Variants in CCDC134 observed in about 807,000 individuals in gnomAD.
CCDC134 encodes coiled-coil domain-containing protein 134.
In CCDC134, 27 loss-of-function variants were observed where a neutral mutation model predicts 25.6. The observed-to-expected ratio is 1.05, with a 90% confidence interval of 0.78 to 1.45. The LOEUF (loss-of-function observed/expected upper bound fraction) is 1.45, where lower values mean the gene tolerates loss of function less well. CCDC134 is among the 40% of genes most tolerant of loss of function. The probability of loss-of-function intolerance (pLI) is 0.00; values close to 1 mark genes in which losing one functional copy is unlikely to be tolerated. For missense variants in CCDC134, 261 were observed against 286.7 expected, an observed-to-expected ratio of 0.91 and a Z score of 0.65; for synonymous variants, 110 against 115.0, an observed-to-expected ratio of 0.96 and a Z score of 0.28.
chr22:41,823,020 A>T (rs550681867), intron 6 of CCDC134, among the ~76,000 whole-genome samples: 9 of 152,238 alleles, frequency 5.9e-5, no homozygotes, highest in Non-Finnish European at 1.3e-4. Flanking sequence ...TGCCCTAGGA[A>T]CAAATAAAAG....
At chr22:41,814,766 T>C (rs941965366) in intron 6 of CCDC134, among the ~76,000 whole-genome samples, 5 of 152,148 alleles carry the variant, frequency 3.3e-5, no homozygotes, top group Non-Finnish European at 7.4e-5. Flanking sequence ...TGCTACTGTT[T>C]CATGGACACT....
chr22:41,814,647 G>A (rs747153547), intron 6 of CCDC134, among the ~76,000 whole-genome samples: 25 of 152,146 alleles, frequency 1.6e-4, no homozygotes, highest in Non-Finnish European at 1.6e-4. Flanking sequence ...CAGGAAGGAA[G>A]GGCTGTGGTG....
rs1227009127 is a variant in CCDC134 at position 41,810,012 on chromosome 22, C to G, written c.225+12C>G. 6.2e-7 allele frequency: 1 copy of G among 1,613,710 alleles called. No individual in the cohort carries two copies. Among genetic ancestry groups the G allele is most frequent in the South Asian group, 1.1e-5 (1 of 91,068 alleles). On this transcript the variant is annotated intron_variant, in intron 3 of 6. Transcript: ENST00000255784. ...AGGGGCTCTTTAAGGTGTGTGCAGG[C>G]AGGGGGCAGCTCATGGCAGGTCCAG...
intron 6 of CCDC134, among the ~76,000 whole-genome samples, chr22:41,819,285 A>G (rs2076637651): frequency 6.6e-6 from 1 of 152,124 alleles, no homozygotes; most frequent in African/African-American, 2.4e-5. Context: ...GCAGCTCCTC[A>G]GATGCTCACA....
chr22:41,821,029 A>T (rs1035790796), intron 6 of CCDC134, among the ~76,000 whole-genome samples: 1 of 152,206 alleles, frequency 6.6e-6, no homozygotes, highest in Non-Finnish European at 1.5e-5. Context: ...AACCCGCAGA[A>T]GGAGCAGTCA....
intron 1 of CCDC134, among the ~76,000 whole-genome samples, chr22:41,805,261 T>C (rs2076562515): frequency 1.3e-5 from 2 of 151,868 alleles, no homozygotes; most frequent in Admixed American, 1.3e-4. Context: ...CCAAACCCCA[T>C]CTCTACTAAA....
chr22:41,830,968 T>G lies in CCDC134; in HGVS notation c.*5145T>G, dbSNP rs1465809187. 6.8e-6 allele frequency among the ~76,000 whole-genome samples: 1 copy of G among 147,138 alleles called. No homozygotes were observed. The highest frequency in any genetic ancestry group is 2.5e-5 in the African/African-American group (1 of 39,464). ...TGGCGCGATCTCTGCTCACCGTAAC[T>G]TCTGCCTCCCGGGTTCAAGCAAGTC... On this transcript the variant is annotated 3_prime_UTR_variant, in exon 7 of 7. Coordinates refer to ENST00000255784, the MANE Select transcript of CCDC134 (RefSeq NM_024821.5).
At chr22:41,807,459 G>T (rs971082574) in intron 1 of CCDC134, among the ~76,000 whole-genome samples, 1 of 152,114 alleles carries the variant, frequency 6.6e-6, no homozygotes, top group African/African-American at 2.4e-5. Flanking sequence ...CTATTCAGGA[G>T]GCTGAGGTGG....
chr22:41,823,632 T>C (rs1275007158), intron 6 of CCDC134, among the ~76,000 whole-genome samples: 4 of 152,210 alleles, frequency 2.6e-5, no homozygotes, highest in Non-Finnish European at 5.9e-5. Flanking sequence ...AAAATAATTA[T>C]TTATCCATTT....
rs1484979959 is a variant in CCDC134, at chr22:41,831,623, G to GT, written c.*5801dup. On this transcript the variant is annotated 3_prime_UTR_variant, in exon 7 of 7. Transcript: ENST00000255784. ...CCATGTCATCATTTCCCCTTTGGCT[G>GT]TAACAGCTGCAGTTCTCTCATAATT... 2.0e-5 allele frequency: 3 copies of GT among 152,240 alleles called. No homozygotes were observed. The highest frequency in any genetic ancestry group is 7.2e-5 in the African/African-American group (3 of 41,448). The allele number at this position is 152,240 out of a possible 1,614,324, so 9.4% of individuals were successfully genotyped here. A position where few individuals can be genotyped will look rare whatever the true frequency, so the allele number is the denominator to read the frequency against.
In CCDC134 at chr22:41,813,369, T is replaced by C. The variant is rs2076606711; in HGVS notation, c.416T>C (p.Leu139Pro). 1 of 1,614,070 alleles carries C rather than the reference T, an allele frequency of 6.2e-7. No homozygotes were observed. Among genetic ancestry groups the C allele is most frequent in the Non-Finnish European group, 8.5e-7 (1 of 1,180,046 alleles). ...GACCACAACTCCAACTGGAACCTCC[T>C]CATCCGCTGGGGTATCAGTTTCTGC... ...YFDHNSNWNLLIRWGISFCNQ... is the reference protein window; with the variant it reads ...YFDHNSNWNLPIRWGISFCNQ... The change falls in exon 5 of 7, where the codon CTC (leucine) becomes CCC (proline). Residue 139 changes from leucine to proline, a missense_variant. Coordinates refer to ENST00000255784, the MANE Select transcript of CCDC134 (RefSeq NM_024821.5).
At chr22:41,821,194 G>A (rs1374526850) in intron 6 of CCDC134, among the ~76,000 whole-genome samples, 3 of 152,240 alleles carry the variant, frequency 2.0e-5, no homozygotes, top group African/African-American at 7.2e-5. Flanking sequence ...GAGGCCGCTG[G>A]TGGTCTTGAT....
In CCDC134 at chr22:41,830,391, C is replaced by A. The variant is rs5758487; in HGVS notation, c.*4568C>A. On this transcript the variant is annotated 3_prime_UTR_variant, in exon 7 of 7. Coordinates refer to ENST00000255784, the MANE Select transcript of CCDC134 (RefSeq NM_024821.5). ...GCTGTGTGCCACCTCTGGAGGGGGT[C>A]ACTGAGGTTCTGGGTTGTGGGGGGT... Among the ~76,000 whole-genome samples the A allele has an allele frequency of 2.0e-5, 3 of 151,968 alleles. No individual in the cohort carries two copies. Among genetic ancestry groups the A allele is most frequent in the Non-Finnish European group, 4.4e-5 (3 of 67,974 alleles).
intron 6 of CCDC134, among the ~76,000 whole-genome samples, chr22:41,820,573 C>T (rs898246502): frequency 3.9e-5 from 6 of 152,246 alleles, no homozygotes; most frequent in South Asian, 2.1e-4. Context: ...TTGAACCAGA[C>T]GATGACAGTG....
intron 1 of CCDC134, among the ~76,000 whole-genome samples, chr22:41,802,545 G>A (rs561130952): frequency 1.3e-5 from 2 of 152,232 alleles, no homozygotes; most frequent in East Asian, 1.9e-4. Context: ...CAAGGCGGGC[G>A]GATCACCTGA....
At chr22:41,805,539 T>A (rs1246202640) in intron 1 of CCDC134, among the ~76,000 whole-genome samples, 1 of 152,258 alleles carries the variant, frequency 6.6e-6, no homozygotes, top group African/African-American at 2.4e-5. Context: ...GTATTTCTTA[T>A]GGAATTGCTG....
Position 41,831,788 on chromosome 22 carries a change from G to A in CCDC134, c.*5965G>A, listed in dbSNP as rs913987136. 9 of 125,882 alleles carry A rather than the reference G, an allele frequency of 7.1e-5. No individual in the cohort carries two copies. Among genetic ancestry groups the A allele is most frequent in the Admixed American group, 1.8e-4 (2 of 11,192 alleles). The allele number at this position is 125,882 out of a possible 1,614,324, so 7.8% of individuals were successfully genotyped here. A position where few individuals can be genotyped will look rare whatever the true frequency, so the allele number is the denominator to read the frequency against. ...TAATTTATTTTTATGTTTAATACGG[G>A]TGTGGGATTTCTGATTTTTTTTTTT... On this transcript the variant is annotated 3_prime_UTR_variant, in exon 7 of 7. Transcript: ENST00000255784.
intron 6 of CCDC134, among the ~76,000 whole-genome samples, chr22:41,820,639 A>G (rs545041650): frequency 6.6e-6 from 1 of 152,274 alleles, no homozygotes; most frequent in East Asian, 1.9e-4. Context: ...AGCCAGTGGG[A>G]TTTGCTGAGG....
chr22:41,819,998 T>TATATAA (rs1556020965), intron 6 of CCDC134, among the ~76,000 whole-genome samples: 4 of 130,100 alleles, frequency 3.1e-5, no homozygotes, highest in African/African-American at 1.2e-4. Flanking sequence ...TATATATATA[T>TATATAA]AATTTTTTTT....
Sources: gnomAD v4.1 joint callset for allele counts (sites outside exome capture counted in the v4.1 genomes callset) on GRCh38, gnomAD v4.1.1 for gene constraint, MANE v1.5 for transcripts, NCBI Gene and HGNC (gene_info 2026-07-23, HGNC 2026-07-21) for gene names.